The following SFMBT2 variants were observed in gnomAD, a reference collection of about 807,000 sequenced individuals.
SFMBT2 encodes the protein Scm like with four mbt domains 2.
Under a neutral mutation model 110.1 loss-of-function variants are expected in SFMBT2, and 38 were observed. That is an observed-to-expected ratio of 0.35 (90% confidence interval 0.27 to 0.45). The LOEUF (loss-of-function observed/expected upper bound fraction) is 0.45, where lower values mean the gene tolerates loss of function less well. Among genes scored for constraint, SFMBT2 ranks in the 20% least tolerant of loss-of-function variants. The pLI, the probability that SFMBT2 is intolerant of heterozygous loss-of-function variation, is 1.00. For missense variants in SFMBT2, 1,011 were observed against 1,094.9 expected, an observed-to-expected ratio of 0.92 and a Z score of 1.08; for synonymous variants, 425 against 425.4, an observed-to-expected ratio of 1.00 and a Z score of 0.01.
At chr10:7,240,011 C>A (rs879313185) in intron 9 of SFMBT2, among the ~76,000 whole-genome samples, 1 of 152,024 alleles carries the variant, frequency 6.6e-6, no homozygotes, top group Non-Finnish European at 1.5e-5. Context: ...TTTAGGATCC[C>A]TTTCAGTTAT....
rs1018296514 is a variant in SFMBT2 at position 7,278,788 on chromosome 10, C to T, written c.773-1799G>A. ...TGGTCTCTGAATGGGGGAGGGATGC[C>T]CTGAGACAGAAGAGAAGGTATAAGA... On this transcript the variant is annotated intron_variant, in intron 6 of 20. Transcript: ENST00000397167. Among the ~76,000 whole-genome samples the T allele has an allele frequency of 7.2e-5, 11 of 151,922 alleles. 1 individual carries two copies. The highest frequency in any genetic ancestry group is 6.6e-4 in the Admixed American group (10 of 15,258).
rs527287611 is a variant in SFMBT2 at position 7,346,648 on chromosome 10, T to C, written c.436+21001A>G. On this transcript the variant is annotated intron_variant, in intron 4 of 20. Transcript: ENST00000397167. Reference sequence around the variant, plus strand: ...CACTCTTACATTTTCCCTTAGATGTTTTCCAAAGATGAACTAGTTATCTTT... The same window carrying C: ...CACTCTTACATTTTCCCTTAGATGTCTTCCAAAGATGAACTAGTTATCTTT... 2.3e-3 allele frequency among the ~76,000 whole-genome samples: 346 copies of C among 152,230 alleles called. 1 individual carries two copies. Among genetic ancestry groups the C allele is most frequent in the Non-Finnish European group, 2.5e-3 (170 of 68,004 alleles).
At chr10:7,397,947 C>T (rs551782257) in intron 1 of SFMBT2, among the ~76,000 whole-genome samples, 15 of 152,334 alleles carry the variant, frequency 9.8e-5, no homozygotes, top group South Asian at 2.1e-4. Flanking sequence ...GCTGATTGTT[C>T]GGGGCAGGAG....
intron 16 of SFMBT2, among the ~76,000 whole-genome samples, chr10:7,187,536 T>C (rs1485909260): frequency 1.3e-5 from 2 of 152,232 alleles, no homozygotes; most frequent in African/African-American, 2.4e-5. Context: ...TCTTCCACTT[T>C]GGTGATTTGG....
chr10:7,333,374 G>T (rs1843618646), intron 4 of SFMBT2, among the ~76,000 whole-genome samples: 2 of 150,578 alleles, frequency 1.3e-5, no homozygotes, highest in South Asian at 4.2e-4. Flanking sequence ...GGTGGATGAG[G>T]ATAACTTTGA....
chr10:7,298,649 ATG>A (rs1040980764), intron 4 of SFMBT2, among the ~76,000 whole-genome samples: 2 of 152,060 alleles, frequency 1.3e-5, no homozygotes, highest in Non-Finnish European at 2.9e-5. Context: ...GTGTATGTAT[ATG>A]TGTGTATGTA....
intron 4 of SFMBT2, chr10:7,286,245 A>G (rs1438421974): frequency 5.6e-6 from 1 of 177,742 alleles, no homozygotes; most frequent in Non-Finnish European, 1.1e-5. Flanking sequence ...AAGAAATTAT[A>G]AAGTGTACAA....
chr10:7,193,426 G>A (rs555914363), intron 15 of SFMBT2, among the ~76,000 whole-genome samples: 1 of 152,332 alleles, frequency 6.6e-6, no homozygotes, highest in African/African-American at 2.4e-5. Context: ...AAGTCTCTGA[G>A]AGCCACCCTG....
At chr10:7,354,506 G>A (rs2132020383) in intron 4 of SFMBT2, among the ~76,000 whole-genome samples, 1 of 152,218 alleles carries the variant, frequency 6.6e-6, no homozygotes, top group South Asian at 2.1e-4. Flanking sequence ...CGGGACAGGT[G>A]GGAAAGGACG....
rs1837587326 is a variant in SFMBT2 at position 7,162,984 on chromosome 10, T to C, written c.*786A>G. The C allele has an allele frequency of 2.0e-5, 3 of 152,702 alleles. No individual in the cohort carries two copies. Among genetic ancestry groups the C allele is most frequent in the African/African-American group, 7.2e-5 (3 of 41,404 alleles). The allele number at this position is 152,702 out of a possible 1,614,324, so 9.5% of individuals were successfully genotyped here. A position where few individuals can be genotyped will look rare whatever the true frequency, so the allele number is the denominator to read the frequency against. On this transcript the variant is annotated 3_prime_UTR_variant, in exon 21 of 21. Transcript: ENST00000397167. ...CAGGCATGGTGGTGGGTGCCTGTAA[T>C]CCCAGCTACTTGGGAGGCTGAGGCA...
At chr10:7,168,675 T>A (rs1404733422) in intron 20 of SFMBT2, among the ~76,000 whole-genome samples, 1 of 152,270 alleles carries the variant, frequency 6.6e-6, no homozygotes, top group Admixed American at 6.5e-5. Context: ...CGTGCTGTGC[T>A]GGGCAGCGCT....
chr10:7,295,877 AG>A (rs2131868979), intron 4 of SFMBT2, among the ~76,000 whole-genome samples: 1 of 152,348 alleles, frequency 6.6e-6, no homozygotes, highest in South Asian at 2.1e-4. Flanking sequence ...CAGAGATGAA[AG>A]AAAATTCAGG....
chr10:7,366,166 A>G (rs899514806), intron 4 of SFMBT2, among the ~76,000 whole-genome samples: 1 of 152,274 alleles, frequency 6.6e-6, no homozygotes, highest in Admixed American at 6.5e-5. Flanking sequence ...GGAGGTTCTC[A>G]GCATAGGAAA....
At chr10:7,206,223 C>T (rs1156275641) in intron 11 of SFMBT2, 9 of 985,132 alleles carry the variant, frequency 9.1e-6, no homozygotes, top group African/African-American at 5.2e-5. Context: ...GAAGAAGGAC[C>T]GTAGGAAAAG....
intron 4 of SFMBT2, among the ~76,000 whole-genome samples, chr10:7,324,780 A>C (rs1843323567): frequency 1.3e-5 from 2 of 152,100 alleles, no homozygotes; most frequent in African/African-American, 4.8e-5. Context: ...CCTGGTTTGT[A>C]GGTGGCCGCC....
At position 7,211,343 on chromosome 10, in the gene SFMBT2, C is replaced by A. The variant is rs2692823; in HGVS notation, c.1331-5415G>T. Among the ~76,000 whole-genome samples the A allele has an allele frequency of 9.2e-3, 1,396 of 152,150 alleles. 26 individuals carry two copies. The highest frequency in any genetic ancestry group is 0.03 in the African/African-American group (1,254 of 41,492). On this transcript the variant is annotated intron_variant, in intron 11 of 20. Coordinates refer to ENST00000397167, the MANE Select transcript of SFMBT2 (RefSeq NM_001387889.1). ...AGGCAGATGAAGGCAGGCTTGGGAC[C>A]CCTTCAGTGAGAATGTGCTCACCGG...
chr10:7,381,580 T>C (rs1845423273), intron 2 of SFMBT2, among the ~76,000 whole-genome samples: 1 of 152,192 alleles, frequency 6.6e-6, no homozygotes, highest in Admixed American at 6.5e-5. Context: ...AAGTGATGTG[T>C]TGCTGCACTA....
chr10:7,382,284 C>G (rs1845448154), intron 1 of SFMBT2, among the ~76,000 whole-genome samples: 1 of 152,066 alleles, frequency 6.6e-6, no homozygotes, highest in South Asian at 2.1e-4. Flanking sequence ...GTGGCATGCA[C>G]CTGCAATTAC....
intron 9 of SFMBT2, among the ~76,000 whole-genome samples, chr10:7,233,822 A>G (rs1328465626): frequency 6.6e-6 from 1 of 152,198 alleles, no homozygotes; most frequent in Non-Finnish European, 1.5e-5. Context: ...GCTCTGTGGC[A>G]ACCCTTCAGG....
Sources: gnomAD v4.1 joint callset for allele counts (sites outside exome capture counted in the v4.1 genomes callset) on GRCh38, gnomAD v4.1.1 for gene constraint, MANE v1.5 for transcripts, NCBI Gene and HGNC (gene_info 2026-07-23, HGNC 2026-07-21) for gene names.